TRIQK: variants seen among roughly 807,000 people sequenced by gnomAD.
TRIQK encodes the protein triple QxxK/R motif containing.
TRIQK carries 10 observed loss-of-function variants against 10.8 expected under a neutral mutation model. The ratio of observed to expected loss-of-function variants is 0.92; its 90% confidence interval spans 0.57 to 1.57. TRIQK has a LOEUF of 1.57. TRIQK is among the 40% of genes most tolerant of loss of function. TRIQK has a pLI of 0.00. For missense variants in TRIQK, 107 were observed against 97.7 expected, an observed-to-expected ratio of 1.09 and a Z score of -0.40; for synonymous variants, 33 against 33.7, an observed-to-expected ratio of 0.98 and a Z score of 0.07.
At chr8:92,944,629 G>A (rs966921566) in intron 2 of TRIQK, among the ~76,000 whole-genome samples, 4 of 152,130 alleles carry the variant, frequency 2.6e-5, no homozygotes, top group African/African-American at 9.7e-5. Context: ...GCTACAGCAT[G>A]ATCTCACTTA....
At position 93,002,783 on chromosome 8, in the gene TRIQK, G is replaced by A. The variant is rs116687047; in HGVS notation, c.-181+14826C>T. ...AAAAATAAAAAAATTAGCCGGGTGT[G>A]GTAGGGGGAGTCTGTAATCCCGGCT... is the stretch of plus-strand genomic sequence containing the variant. On this transcript the variant is annotated intron_variant, in intron 1 of 4. Transcript: ENST00000520686. 7.1e-3 allele frequency among the ~76,000 whole-genome samples: 1,087 copies of A among 152,060 alleles called. 9 individuals are homozygous for A. Among genetic ancestry groups the A allele is most frequent in the African/African-American group, 0.024 (1,001 of 41,480 alleles).
chr8:92,976,378 A>G (rs998703702), intron 1 of TRIQK, among the ~76,000 whole-genome samples: 3 of 151,990 alleles, frequency 2.0e-5, no homozygotes, highest in Admixed American at 6.6e-5. Flanking sequence ...CTCCTTCATC[A>G]TTATGAAATG....
chr8:92,892,710 T>C (rs73313293), intron 3 of TRIQK, among the ~76,000 whole-genome samples: 8,239 of 151,982 alleles, frequency 0.054, 485 homozygotes, highest in African/African-American at 0.14. Context: ...TTTCAATAAT[T>C]TCTTCCACAT....
intron 1 of TRIQK, among the ~76,000 whole-genome samples, chr8:92,972,330 C>T (rs1328101577): frequency 2.0e-5 from 3 of 152,038 alleles, no homozygotes; most frequent in East Asian, 1.9e-4. Flanking sequence ...TTACCTTTCT[C>T]CTCCATTTAT....
chr8:92,932,622 C>T (rs879059542), intron 2 of TRIQK, among the ~76,000 whole-genome samples: 17 of 151,860 alleles, frequency 1.1e-4, no homozygotes, highest in Non-Finnish European at 1.6e-4. Flanking sequence ...TGATGTTTCT[C>T]GGTTGAATTA....
intron 2 of TRIQK, among the ~76,000 whole-genome samples, chr8:92,937,739 T>C (rs760392350): frequency 6.6e-6 from 1 of 151,882 alleles, no homozygotes; most frequent in Non-Finnish European, 1.5e-5. Flanking sequence ...TATCTTCAAA[T>C]AATATTATAC....
At chr8:92,948,157 GT>G (rs1256572009) in intron 2 of TRIQK, among the ~76,000 whole-genome samples, 2 of 152,060 alleles carry the variant, frequency 1.3e-5, no homozygotes, top group Non-Finnish European at 2.9e-5. Context: ...GCTTACATTT[GT>G]CCTTCATAGG....
chr8:92,993,875 G>C (rs538379144), intron 1 of TRIQK, among the ~76,000 whole-genome samples: 1 of 152,238 alleles, frequency 6.6e-6, no homozygotes, highest in South Asian at 2.1e-4. Context: ...ATAGAGGTTT[G>C]TTATTTTCCT....
chr8:92,946,839 C>A (rs184657877), intron 2 of TRIQK, among the ~76,000 whole-genome samples: 197 of 151,368 alleles, frequency 1.3e-3, no homozygotes, highest in Admixed American at 2.4e-3. Flanking sequence ...CGGCTCACTG[C>A]GAGCTCCGCC....
At chr8:92,944,989 T>C (rs577875603) in intron 2 of TRIQK, among the ~76,000 whole-genome samples, 1 of 152,320 alleles carries the variant, frequency 6.6e-6, no homozygotes, top group South Asian at 2.1e-4. Flanking sequence ...ATTTATTATA[T>C]CTTAATAAAA....
chr8:92,952,383 CA>C (rs1811953893), intron 2 of TRIQK, among the ~76,000 whole-genome samples: 1 of 151,362 alleles, frequency 6.6e-6, no homozygotes, highest in East Asian at 1.9e-4. Context: ...TGAGGTAAAT[CA>C]ATAGAAACCT....
chr8:92,908,114 T>G (rs897069326), intron 3 of TRIQK, among the ~76,000 whole-genome samples: 1 of 152,168 alleles, frequency 6.6e-6, no homozygotes, highest in African/African-American at 2.4e-5. Flanking sequence ...CTTTTGGCTT[T>G]TTGTTGTTCA....
intron 1 of TRIQK, among the ~76,000 whole-genome samples, chr8:93,016,312 C>G (rs1402708942): frequency 6.6e-6 from 1 of 152,130 alleles, no homozygotes; most frequent in Non-Finnish European, 1.5e-5. Context: ...TTCCATGTGT[C>G]CTCTGGCATT....
chr8:92,885,289 C>A lies in TRIQK; in HGVS notation c.*1333G>T. The A allele has an allele frequency of 3.7e-6, 1 of 270,578 alleles. No homozygotes were observed. The highest frequency in any genetic ancestry group is 4.6e-5 in the Admixed American group (1 of 21,556). 16.8% of individuals were successfully genotyped at this position (270,578 alleles called of 1,614,324 possible). A position where few individuals can be genotyped will look rare whatever the true frequency, so the allele number is the denominator to read the frequency against. The stretch of plus-strand genomic sequence containing the variant: ...TCTTTTAGAAACAGTGCTTATAAAG[C>A]CCCATATACTCCTTAGATATTTCCC... On this transcript the variant is annotated 3_prime_UTR_variant, in exon 5 of 5. Transcript: ENST00000521988.
At chr8:92,971,416 C>T (rs1307068839) in intron 1 of TRIQK, among the ~76,000 whole-genome samples, 2 of 152,120 alleles carry the variant, frequency 1.3e-5, no homozygotes, top group Admixed American at 1.3e-4. Flanking sequence ...AGCCCAAAAG[C>T]TTCTTAAGCT....
At chr8:92,994,853 CA>C (rs1315525612) in intron 1 of TRIQK, among the ~76,000 whole-genome samples, 1 of 151,934 alleles carries the variant, frequency 6.6e-6, no homozygotes, top group East Asian at 1.9e-4. Flanking sequence ...TTTCCCCCTA[CA>C]AACTTCTAAA....
intron 3 of TRIQK, among the ~76,000 whole-genome samples, chr8:92,901,728 G>C (rs901686036): frequency 2.6e-5 from 4 of 151,988 alleles, no homozygotes; most frequent in Non-Finnish European, 4.4e-5. Flanking sequence ...GTTCTTGTCT[G>C]TTTTTGGTAT....
intron 2 of TRIQK, among the ~76,000 whole-genome samples, chr8:92,939,731 T>A (rs984740500): frequency 6.6e-6 from 1 of 152,114 alleles, no homozygotes; most frequent in Non-Finnish European, 1.5e-5. Context: ...TCTATGCATT[T>A]GGGAGAAATG....
chr8:92,945,054 T>C (rs12155877), intron 2 of TRIQK, among the ~76,000 whole-genome samples: 91 of 152,304 alleles, frequency 6.0e-4, no homozygotes, highest in Non-Finnish European at 1.1e-3. Context: ...GTGTAGGTAC[T>C]GTCAAAGGCA....
Sources: gnomAD v4.1 joint callset for allele counts (sites outside exome capture counted in the v4.1 genomes callset) on GRCh38, gnomAD v4.1.1 for gene constraint, MANE v1.5 for transcripts, NCBI Gene and HGNC (gene_info 2026-07-23, HGNC 2026-07-21) for gene names.